CCDC149: variants seen among roughly 807,000 people sequenced by gnomAD.
CCDC149 encodes the protein coiled-coil domain-containing protein 149.
In CCDC149, 45 loss-of-function variants were observed where a neutral mutation model predicts 59.9. That is an observed-to-expected ratio of 0.75 (90% CI 0.59 to 0.96). CCDC149 has a LOEUF of 0.96. Among genes scored for constraint, CCDC149 ranks in the 40% least tolerant of loss-of-function variants. The pLI, the probability that CCDC149 is intolerant of heterozygous loss-of-function variation, is 0.00. For missense variants in CCDC149, 584 were observed against 664.7 expected, an observed-to-expected ratio of 0.88 and a Z score of 1.33; for synonymous variants, 245 against 260.6, an observed-to-expected ratio of 0.94 and a Z score of 0.58.
At chr4:24,822,445 TA>T (rs1165744591) in intron 10 of CCDC149, 51 bp downstream of exon 10, 29 of 1,267,528 alleles carry the variant, frequency 2.3e-5, no homozygotes, top group East Asian at 8.0e-5. Context: ...CTTCATTTCT[TA>T]AAAAAAAGAA....
chr4:24,976,041 G>A (rs1015569787), intron 1 of CCDC149, among the ~76,000 whole-genome samples: 9 of 149,506 alleles, frequency 6.0e-5, no homozygotes, highest in Non-Finnish European at 3.0e-5. Flanking sequence ...GAGAGGGAGG[G>A]GGGAAGGGAG....
At chr4:24,923,201 G>T (rs997650098) in intron 1 of CCDC149, among the ~76,000 whole-genome samples, 2 of 152,170 alleles carry the variant, frequency 1.3e-5, no homozygotes, top group African/African-American at 4.8e-5. Context: ...GATACTCACA[G>T]GGACAGGTTA....
At chr4:24,817,689 C>G (rs891236388) in intron 12 of CCDC149, among the ~76,000 whole-genome samples, 1 of 151,906 alleles carries the variant, frequency 6.6e-6, no homozygotes, top group Non-Finnish European at 1.5e-5. Flanking sequence ...AAGGCTCCCT[C>G]ATCCGTATGC....
chr4:24,820,206 A>T (rs1292189603), intron 11 of CCDC149: 1 of 455,462 alleles, frequency 2.2e-6, no homozygotes, highest in Non-Finnish European at 3.9e-6. Context: ...TTAGTATTGA[A>T]TTATAGGCCA....
intron 1 of CCDC149, among the ~76,000 whole-genome samples, chr4:24,880,386 C>T (rs548481881): frequency 5.3e-5 from 8 of 152,292 alleles, no homozygotes; most frequent in African/African-American, 1.9e-4. Flanking sequence ...CCTAGCGGCA[C>T]ACTTCTCAGA....
At chr4:24,976,273 G>A (rs1249209268) in intron 1 of CCDC149, among the ~76,000 whole-genome samples, 5 of 152,190 alleles carry the variant, frequency 3.3e-5, no homozygotes, top group South Asian at 2.1e-4. Flanking sequence ...GCAACATGGA[G>A]CACAGGCAGA....
chr4:24,959,236 A>G (rs1045818400), intron 1 of CCDC149, among the ~76,000 whole-genome samples: 2 of 152,128 alleles, frequency 1.3e-5, no homozygotes, highest in Non-Finnish European at 2.9e-5. Context: ...AGCCTCCCAA[A>G]GTGCTGGGAT....
At chr4:24,971,384 T>G (rs1198640341) in intron 1 of CCDC149, among the ~76,000 whole-genome samples, 1 of 152,160 alleles carries the variant, frequency 6.6e-6, no homozygotes, top group Admixed American at 6.5e-5. Context: ...TGCACTTTAG[T>G]CAGGAGTAAG....
intron 1 of CCDC149, among the ~76,000 whole-genome samples, chr4:24,910,049 C>A (rs1721784436): frequency 6.6e-6 from 1 of 152,208 alleles, no homozygotes. Context: ...TATTCACTCA[C>A]AGTTATAGAG....
At chr4:24,940,742 A>C (rs1302605156) in intron 1 of CCDC149, among the ~76,000 whole-genome samples, 2 of 152,214 alleles carry the variant, frequency 1.3e-5, no homozygotes, top group Non-Finnish European at 2.9e-5. Context: ...CAGGGGTTGT[A>C]ATTCTAGTCT....
At chr4:24,941,761 T>C (rs530514990) in intron 1 of CCDC149, among the ~76,000 whole-genome samples, 2 of 152,138 alleles carry the variant, frequency 1.3e-5, no homozygotes, top group African/African-American at 4.8e-5. Flanking sequence ...GAGAATACTA[T>C]AAACACCTCT....
intron 1 of CCDC149, among the ~76,000 whole-genome samples, chr4:24,897,785 G>A (rs1007576814): frequency 2.0e-5 from 3 of 152,324 alleles, no homozygotes; most frequent in African/African-American, 4.8e-5. Context: ...AATAAGAGGC[G>A]TACGAAGTCA....
intron 1 of CCDC149, among the ~76,000 whole-genome samples, chr4:24,966,550 A>G (rs763429040): frequency 6.6e-6 from 1 of 152,180 alleles, no homozygotes; most frequent in African/African-American, 2.4e-5. Flanking sequence ...TGCTCCACCC[A>G]CAGTGGCCCC....
At chr4:24,864,119 C>A (rs1718547758) in intron 3 of CCDC149, among the ~76,000 whole-genome samples, 1 of 152,178 alleles carries the variant, frequency 6.6e-6, no homozygotes, top group African/African-American at 2.4e-5. Context: ...CCGGCGTGGG[C>A]CGGGCTAACT....
chr4:24,890,329 G>A (rs1720455891), intron 1 of CCDC149, among the ~76,000 whole-genome samples: 1 of 151,990 alleles, frequency 6.6e-6, no homozygotes, highest in African/African-American at 2.4e-5. Context: ...CCCTTTACAG[G>A]CGAAGAAACT....
At chr4:24,853,030 A>G (rs1186920172) in intron 4 of CCDC149, 42 bp downstream of exon 4, 2 of 1,266,852 alleles carry the variant, frequency 1.6e-6, no homozygotes, top group Non-Finnish European at 2.3e-6. Context: ...TCGAACGCAC[A>G]ATGTTGCAGC....
rs918124901 is a variant in CCDC149, at chr4:24,819,896, G to A, written c.1155C>T (p.Val385=). The A allele has an allele frequency of 6.4e-6, 10 of 1,551,682 alleles. No homozygotes were observed. Among genetic ancestry groups the A allele is most frequent in the African/African-American group, 2.7e-5 (2 of 73,166 alleles). ...CTGCTTTGTTCTCAGTGGGCTGCTCGACAAACTTCAGCAGTGGGGATCTCG... is the reference window on the plus strand; with the variant it reads ...CTGCTTTGTTCTCAGTGGGCTGCTCAACAAACTTCAGCAGTGGGGATCTCG... The change falls in exon 12 of 13, where the codon GTC becomes GTT. Residue 385 remains valine, a synonymous_variant. Transcript: ENST00000635206.
chr4:24,922,517 C>G (rs537489054), intron 1 of CCDC149, among the ~76,000 whole-genome samples: 1 of 152,126 alleles, frequency 6.6e-6, no homozygotes, highest in Non-Finnish European at 1.5e-5. Flanking sequence ...GCATTTTGGA[C>G]TCATTTTTAT....
At chr4:24,939,209 G>A (rs1418226771) in intron 1 of CCDC149, among the ~76,000 whole-genome samples, 6 of 152,276 alleles carry the variant, frequency 3.9e-5, no homozygotes, top group East Asian at 1.9e-4. Flanking sequence ...CCAGAGGAAC[G>A]ATCAGGCAGC....
Sources: gnomAD v4.1 joint callset for allele counts (sites outside exome capture counted in the v4.1 genomes callset) on GRCh38, gnomAD v4.1.1 for gene constraint, MANE v1.5 for transcripts, NCBI Gene and HGNC (gene_info 2026-07-23, HGNC 2026-07-21) for gene names.